PCDHA1: variants seen among roughly 807,000 people sequenced by gnomAD.
PCDHA1 encodes the protein protocadherin alpha 1, also known as protocadherin alpha-1.
In PCDHA1, 42 loss-of-function variants were observed where a neutral mutation model predicts 61.3. The observed-to-expected ratio is 0.69, with a 90% CI of 0.54 to 0.89. The LOEUF (loss-of-function observed/expected upper bound fraction) is 0.89. Ranked by LOEUF, PCDHA1 falls within the 40% of genes least tolerant of loss-of-function variation. The pLI is 0.00. For missense variants in PCDHA1, 1,256 were observed against 1,235.3 expected, an observed-to-expected ratio of 1.02 and a Z score of -0.25; for synonymous variants, 610 against 553.8, an observed-to-expected ratio of 1.10 and a Z score of -1.43.
intron 1 of PCDHA1, among the ~76,000 whole-genome samples, chr5:140,962,736 C>T (rs1233355346): frequency 2.0e-5 from 3 of 152,136 alleles, no homozygotes; most frequent in Non-Finnish European, 4.4e-5. Flanking sequence ...TCTGGGGATG[C>T]ATGAAGATCA....
rs1554117807 is a variant in PCDHA1 at position 140,787,410 on chromosome 5, G to T, written c.1120G>T (p.Val374Leu). ...CAGCACCGTCATCGCCCTCATCACC[G>T]TGTCTGACCGTGACTCAGGTGCCAA... is the stretch of plus-strand genomic sequence containing the variant. ...PLSTVIALIT[V>L]SDRDSGANGQ... The change falls in exon 1 of 4, where the codon GTG becomes TTG. Residue 374 changes from valine (V) to leucine (L), a missense_variant. Val to Leu is a conservative substitution (Grantham distance 32, BLOSUM62 1). Coordinates refer to ENST00000504120, the MANE Select transcript of PCDHA1 (RefSeq NM_018900.4). 1.2e-6 allele frequency: 2 copies of T among 1,614,216 alleles called. No individual in the cohort carries two copies. Among genetic ancestry groups the T allele is most frequent in the Non-Finnish European group, 1.7e-6 (2 of 1,180,042 alleles).
intron 1 of PCDHA1, among the ~76,000 whole-genome samples, chr5:140,888,878 T>G (rs1280508372): frequency 6.6e-6 from 1 of 152,132 alleles, no homozygotes; most frequent in African/African-American, 2.4e-5. Flanking sequence ...ACATAAAAAT[T>G]AAAACATTAG....
intron 3 of PCDHA1, among the ~76,000 whole-genome samples, chr5:141,002,751 C>T (rs1204940300): frequency 3.9e-5 from 6 of 152,152 alleles, no homozygotes; most frequent in African/African-American, 1.4e-4. Context: ...CATCGACAAC[C>T]CTGTGATGTA....
intron 3 of PCDHA1, among the ~76,000 whole-genome samples, chr5:140,986,402 A>G (rs782590214): frequency 6.6e-6 from 1 of 152,192 alleles, no homozygotes; most frequent in Non-Finnish European, 1.5e-5. Context: ...CCAGTCGCTC[A>G]TGTTACAGCT....
At chr5:140,862,902 G>C (rs782710771) in intron 1 of PCDHA1, 1 of 554,284 alleles carries the variant, frequency 1.8e-6, no homozygotes, top group Non-Finnish European at 3.5e-6. Context: ...CTTTGTCTGC[G>C]CTGCTGGCGC....
intron 1 of PCDHA1, chr5:140,871,033 C>T (rs201299652): frequency 1.2e-6 from 2 of 1,613,234 alleles, no homozygotes; most frequent in East Asian, 2.2e-5. Context: ...CTCGCCGCGC[C>T]ACCGACTTCT....
chr5:140,806,879 C>T, intron 1 of PCDHA1: 1 of 410,046 alleles, frequency 2.4e-6, no homozygotes, highest in Admixed American at 4.1e-5. Flanking sequence ...CACAGTAGTA[C>T]AAAATGTATT....
intron 1 of PCDHA1, among the ~76,000 whole-genome samples, chr5:140,962,950 C>T (rs2095723700): frequency 6.6e-6 from 1 of 152,152 alleles, no homozygotes; most frequent in African/African-American, 2.4e-5. Flanking sequence ...ATAAGATATG[C>T]TCTATCCCTA....
chr5:140,809,439 C>T (rs1187355294), intron 1 of PCDHA1: 3 of 1,614,202 alleles, frequency 1.9e-6, no homozygotes, highest in Non-Finnish European at 1.7e-6. Flanking sequence ...TGGTCATACT[C>T]GCAGCAGAGG....
intron 2 of PCDHA1, 148 bp from the exon 3 acceptor site, chr5:140,982,327 C>T: frequency 7.0e-7 from 1 of 1,419,146 alleles, no homozygotes; most frequent in Non-Finnish European, 9.4e-7. Context: ...AGGGTGACTG[C>T]TCAGCAGTAA....
chr5:140,997,834 C>T (rs1385482729), intron 3 of PCDHA1, among the ~76,000 whole-genome samples: 2 of 152,106 alleles, frequency 1.3e-5, no homozygotes, highest in Non-Finnish European at 2.9e-5. Context: ...CTAAACAATA[C>T]AATATACATT....
intron 1 of PCDHA1, among the ~76,000 whole-genome samples, chr5:140,961,302 A>G (rs1383841228): frequency 6.6e-6 from 1 of 152,222 alleles, no homozygotes; most frequent in African/African-American, 2.4e-5. Context: ...GTTAAAGAAC[A>G]TGATTTACCA....
chr5:140,832,824 CT>C (rs1772174939), intron 1 of PCDHA1, among the ~76,000 whole-genome samples: 1 of 152,060 alleles, frequency 6.6e-6, no homozygotes, highest in Non-Finnish European at 1.5e-5. Flanking sequence ...AAATCTTTGC[CT>C]TTTTCCCTTG....
At chr5:140,929,373 C>T (rs1563116244) in intron 1 of PCDHA1, 1 of 1,514,818 alleles carries the variant, frequency 6.6e-7, no homozygotes, top group Non-Finnish European at 8.8e-7. Context: ...GAGATGGCTG[C>T]TAGCTGTGTT....
At chr5:140,835,434 A>G (rs2150235683) in intron 1 of PCDHA1, 2 of 1,613,730 alleles carry the variant, frequency 1.2e-6, no homozygotes, top group Non-Finnish European at 1.7e-6. Flanking sequence ...TCCACAGTTG[A>G]CTCTCACTTC....
At chr5:140,838,332 C>T (rs1177546709) in intron 1 of PCDHA1, among the ~76,000 whole-genome samples, 2 of 149,836 alleles carry the variant, frequency 1.3e-5, no homozygotes, top group African/African-American at 2.5e-5. Flanking sequence ...CCATGTTGCC[C>T]CGGCTGGTCT....
At position 140,802,807 on chromosome 5, in the gene PCDHA1, C is replaced by A. The variant is rs782135685; in HGVS notation, c.2394+14123C>A. 14 of 1,613,322 alleles carry A rather than the reference C, an allele frequency of 8.7e-6. No individual in the cohort carries two copies. The East Asian group carries it at 1.3e-4, about 15-fold the overall frequency. On this transcript the variant is annotated intron_variant, in intron 1 of 3. Coordinates refer to ENST00000504120, the MANE Select transcript of PCDHA1 (RefSeq NM_018900.4). ...GAGCTGCTGCAGTTCCAGGTGAGTG[C>A]GCGCGATGCGGGCGTGCCGCCTCTG...
chr5:140,861,413 G>T (rs189790760), intron 1 of PCDHA1: 3 of 474,952 alleles, frequency 6.3e-6, no homozygotes, highest in Non-Finnish European at 1.3e-5. Flanking sequence ...AGCTGATACC[G>T]CGCCTGTTTC....
At chr5:141,006,382 T>A (rs2098271166) in intron 3 of PCDHA1, among the ~76,000 whole-genome samples, 1 of 151,910 alleles carries the variant, frequency 6.6e-6, no homozygotes, top group African/African-American at 2.4e-5. Context: ...CGGCTAAGTT[T>A]TTTCTATTTT....
Sources: gnomAD v4.1 joint callset for allele counts (sites outside exome capture counted in the v4.1 genomes callset) on GRCh38, gnomAD v4.1.1 for gene constraint, MANE v1.5 for transcripts, NCBI Gene and HGNC (gene_info 2026-07-23, HGNC 2026-07-21) for gene names.